The following NAV2 variants were observed in gnomAD, a reference collection of about 807,000 sequenced individuals.
The protein encoded by NAV2 is neuron navigator 2.
NAV2 carries 54 observed loss-of-function variants against 223.2 expected under a neutral mutation model. That is an observed-to-expected ratio of 0.24 (90% CI 0.19 to 0.30). NAV2 has a LOEUF of 0.30. Among genes scored for constraint, NAV2 ranks in the 10% least tolerant of loss-of-function variants. The pLI is 1.00. For synonymous variants in NAV2, 1,279 were observed against 1,239.3 expected (o/e 1.03, Z -0.67); for missense variants, 2,806 against 3,147.5 (o/e 0.89, Z 2.60).
chr11:19,578,832 T>C (rs1054638229), intron 1 of NAV2, among the ~76,000 whole-genome samples: 2 of 152,200 alleles, frequency 1.3e-5, no homozygotes, highest in African/African-American at 2.4e-5. Flanking sequence ...CTAAAATATC[T>C]ACCCTCTGGC....
intron 1 of NAV2, among the ~76,000 whole-genome samples, chr11:19,460,146 T>G (rs1852102773): frequency 6.6e-6 from 1 of 152,226 alleles, no homozygotes; most frequent in Non-Finnish European, 1.5e-5. Context: ...AGCATGGTGT[T>G]TCACACATAG....
intron 10 of NAV2, among the ~76,000 whole-genome samples, chr11:19,974,112 T>C (rs2049490691): frequency 6.6e-6 from 1 of 152,244 alleles, no homozygotes; most frequent in Non-Finnish European, 1.5e-5. Context: ...ATCTGAAGTT[T>C]AAATTACTGT....
At chr11:19,707,262 C>T (rs986480106) in intron 1 of NAV2, among the ~76,000 whole-genome samples, 1 of 152,104 alleles carries the variant, frequency 6.6e-6, no homozygotes, top group African/African-American at 2.4e-5. Context: ...TTAACTGTAA[C>T]TTTTTTACTT....
Position 20,005,238 on chromosome 11 carries a change from CAT to C in NAV2, c.2768+21006_2768+21007del, listed in dbSNP as rs748368788. Among the ~76,000 whole-genome samples the C allele has an allele frequency of 2.0e-3, 162 of 80,920 alleles. 1 individual carries two copies. The South Asian group carries it at 0.051, about 25-fold the overall frequency. 53.1% of individuals were successfully genotyped at this position (80,920 alleles called of 152,430 possible). On this transcript the variant is annotated intron_variant, in intron 11 of 37. Transcript: ENST00000349880. ...CCAAGTGATTCTGCTGAGTTTTAAT[CAT>C]ATATATATATATATTTTTTTTTTTT...
chr11:19,571,690 G>A (rs111542181), intron 1 of NAV2, among the ~76,000 whole-genome samples: 2,305 of 151,080 alleles, frequency 0.015, 67 homozygotes, highest in African/African-American at 0.053. Context: ...TGGGCAACAA[G>A]AGCGAGACTC....
At chr11:19,377,979 T>A (rs1251762952) in intron 1 of NAV2, among the ~76,000 whole-genome samples, 2 of 151,914 alleles carry the variant, frequency 1.3e-5, no homozygotes, top group Non-Finnish European at 2.9e-5. Flanking sequence ...TTGAATAGAT[T>A]AAGGAGGTGA....
At chr11:20,028,178 T>C (rs779778891) in intron 11 of NAV2, among the ~76,000 whole-genome samples, 9 of 152,374 alleles carry the variant, frequency 5.9e-5, no homozygotes, top group Non-Finnish European at 1.3e-4. Flanking sequence ...TGACATGATT[T>C]ATGCTTCTTT....
intron 11 of NAV2, among the ~76,000 whole-genome samples, chr11:19,994,117 G>A (rs1591575719): frequency 6.6e-6 from 1 of 152,194 alleles, no homozygotes; most frequent in Non-Finnish European, 1.5e-5. Flanking sequence ...TAAAATGCAG[G>A]AAATTTCCTT....
chr11:19,349,459 C>T (rs917819073), upstream of NAV2, among the ~76,000 whole-genome samples: 1 of 152,174 alleles, frequency 6.6e-6, no homozygotes, highest in African/African-American at 2.4e-5. Flanking sequence ...TCCAAAGTAG[C>T]CACCAGTCAG....
At chr11:19,606,336 G>C (rs957011595) in intron 1 of NAV2, among the ~76,000 whole-genome samples, 1 of 152,148 alleles carries the variant, frequency 6.6e-6, no homozygotes, top group Non-Finnish European at 1.5e-5. Flanking sequence ...CTAATCCTGG[G>C]GCTTAAATGT....
At chr11:19,352,416 T>C (rs560851650) in intron 1 of NAV2, among the ~76,000 whole-genome samples, 1 of 152,326 alleles carries the variant, frequency 6.6e-6, no homozygotes, top group Non-Finnish European at 1.5e-5. Context: ...AGCAAGATAA[T>C]ATGCAATTAT....
chr11:20,021,798 C>G (rs1002995705), intron 11 of NAV2, among the ~76,000 whole-genome samples: 1 of 152,164 alleles, frequency 6.6e-6, no homozygotes, highest in South Asian at 2.1e-4. Flanking sequence ...GGGACTCCTT[C>G]GAGATTACAA....
At chr11:19,446,883 G>A (rs537393516) in intron 1 of NAV2, among the ~76,000 whole-genome samples, 2 of 152,330 alleles carry the variant, frequency 1.3e-5, no homozygotes, top group Middle Eastern at 3.4e-3. Context: ...TGGGACCAGG[G>A]AAAGGGGAGC....
chr11:19,746,844 A>T (rs1590281266), intron 1 of NAV2, among the ~76,000 whole-genome samples: 1 of 152,178 alleles, frequency 6.6e-6, no homozygotes, highest in Non-Finnish European at 1.5e-5. Flanking sequence ...GGCTTAAAAA[A>T]AAACATGAAG....
chr11:19,500,636 G>A lies in NAV2; in HGVS notation c.75+149609G>A, dbSNP rs1170842739. ...AACTAGAAAATTCCAGCCATCCCTCGTGGGCTATCCCTTGAACAGAGTATA... is the reference window on the plus strand; with the variant it reads ...AACTAGAAAATTCCAGCCATCCCTCATGGGCTATCCCTTGAACAGAGTATA... On this transcript the variant is annotated intron_variant, in intron 1 of 37. Coordinates refer to the NAV2 transcript ENST00000360655. Among the ~76,000 whole-genome samples, 10 of 152,134 alleles carry A rather than the reference G, an allele frequency of 6.6e-5. 1 individual carries two copies. Among genetic ancestry groups the A allele is most frequent in the South Asian group, 2.1e-4 (1 of 4,812 alleles).
chr11:19,406,189 G>A (rs77619006), intron 1 of NAV2, among the ~76,000 whole-genome samples: 1 of 152,246 alleles, frequency 6.6e-6, no homozygotes, highest in East Asian at 1.9e-4. Context: ...GTGCCACCTG[G>A]TAGCCTGCTA....
At chr11:19,850,312 G>A (rs1334866497) in intron 3 of NAV2, among the ~76,000 whole-genome samples, 4 of 152,086 alleles carry the variant, frequency 2.6e-5, no homozygotes, top group Admixed American at 6.6e-5. Context: ...ACACTCTCTT[G>A]TGGTTGTCTG....
chr11:19,429,628 A>G (rs748012671), intron 1 of NAV2, among the ~76,000 whole-genome samples: 4 of 152,238 alleles, frequency 2.6e-5, no homozygotes, highest in Non-Finnish European at 5.9e-5. Context: ...GATGGCAAAT[A>G]GAGGAAGAAG....
At chr11:19,553,292 T>C (rs2044748843) in intron 1 of NAV2, among the ~76,000 whole-genome samples, 1 of 152,202 alleles carries the variant, frequency 6.6e-6, no homozygotes, top group African/African-American at 2.4e-5. Context: ...CCACCCCTAA[T>C]CTTGGGCTTC....
Sources: allele counts gnomAD v4.1 joint callset (sites outside exome capture counted in the v4.1 genomes callset), GRCh38; gene constraint gnomAD v4.1.1; transcripts MANE v1.5; gene names NCBI Gene and HGNC (gene_info 2026-07-23, HGNC 2026-07-21).